The following XRCC4 variants were observed in gnomAD, a reference collection of about 807,000 sequenced individuals.
The protein encoded by XRCC4 is DNA repair protein XRCC4.
A neutral mutation model predicts 39.1 loss-of-function variants in XRCC4; 28 were observed. The ratio of observed to expected loss-of-function variants is 0.72; its 90% confidence interval spans 0.53 to 0.98. The LOEUF (loss-of-function observed/expected upper bound fraction) is 0.98, where lower values mean the gene tolerates loss of function less well. XRCC4 is among the 50% of genes least tolerant of loss of function. The pLI is 0.00. For missense variants in XRCC4, 350 were observed against 376.4 expected, an observed-to-expected ratio of 0.93 and a Z score of 0.58; for synonymous variants, 123 against 126.4, an observed-to-expected ratio of 0.97 and a Z score of 0.18.
the XRCC4 span, among the ~76,000 whole-genome samples, chr5:83,369,363 A>G: frequency 6.6e-6 from 1 of 152,102 alleles, no homozygotes; most frequent in Non-Finnish European, 1.5e-5. Flanking sequence ...TATTGAGCAT[A>G]ATACCCAATA....
intron 7 of XRCC4, among the ~76,000 whole-genome samples, chr5:83,349,325 C>A (rs1757012488): frequency 6.6e-6 from 1 of 151,988 alleles, no homozygotes; most frequent in Non-Finnish European, 1.5e-5. Flanking sequence ...CAAACCATAT[C>A]AACATTTTTG....
At chr5:83,178,601 T>C (rs1344573907) in intron 3 of XRCC4, among the ~76,000 whole-genome samples, 5 of 151,998 alleles carry the variant, frequency 3.3e-5, no homozygotes, top group African/African-American at 1.2e-4. Context: ...ACTGATGGCA[T>C]TGGTAGAGAG....
intron 7 of XRCC4, among the ~76,000 whole-genome samples, chr5:83,297,552 T>C (rs1312748485): frequency 6.6e-6 from 1 of 152,016 alleles, no homozygotes; most frequent in Non-Finnish European, 1.5e-5. Context: ...TTAATATCAG[T>C]TAACAGAAAT....
chr5:83,352,785 G>A (rs901519382), intron 7 of XRCC4, among the ~76,000 whole-genome samples: 1 of 152,192 alleles, frequency 6.6e-6, no homozygotes, highest in Non-Finnish European at 1.5e-5. Flanking sequence ...AATGTAAATT[G>A]TGATGAAATC....
chr5:83,223,969 A>G (rs1012434567), intron 6 of XRCC4, among the ~76,000 whole-genome samples: 4 of 151,526 alleles, frequency 2.6e-5, no homozygotes, highest in Non-Finnish European at 5.9e-5. Context: ...TTATGGCTGC[A>G]TAGTATTCTA....
chr5:83,166,957 C>G (rs1361353120), intron 3 of XRCC4, among the ~76,000 whole-genome samples: 2 of 151,980 alleles, frequency 1.3e-5, no homozygotes, highest in African/African-American at 4.8e-5. Context: ...TCTTGGCTCA[C>G]TGCAGCATCT....
intron 3 of XRCC4, among the ~76,000 whole-genome samples, chr5:83,134,314 C>CT (rs775391049): frequency 6.6e-6 from 1 of 151,956 alleles, no homozygotes; most frequent in Non-Finnish European, 1.5e-5. Context: ...TTGTGTCTAG[C>CT]TAAAGGATTG....
At chr5:83,267,845 T>C (rs1482799191) in intron 7 of XRCC4, among the ~76,000 whole-genome samples, 1 of 152,140 alleles carries the variant, frequency 6.6e-6, no homozygotes, top group African/African-American at 2.4e-5. Flanking sequence ...AACAAACGCA[T>C]GGAGAAAGTC....
chr5:83,286,540 G>A (rs1754739328), intron 7 of XRCC4, among the ~76,000 whole-genome samples: 1 of 152,064 alleles, frequency 6.6e-6, no homozygotes, highest in Non-Finnish European at 1.5e-5. Context: ...GCAGTCTTGA[G>A]GCAGAATTTC....
At chr5:83,253,802 C>G (rs1303031939) in intron 6 of XRCC4, among the ~76,000 whole-genome samples, 1 of 152,186 alleles carries the variant, frequency 6.6e-6, no homozygotes, top group Non-Finnish European at 1.5e-5. Flanking sequence ...TTCCTGGCAG[C>G]TTAGCCAACA....
chr5:83,161,840 A>T (rs944946624), intron 3 of XRCC4, among the ~76,000 whole-genome samples: 2 of 152,200 alleles, frequency 1.3e-5, no homozygotes, highest in Non-Finnish European at 2.9e-5. Context: ...TGATAGCAGC[A>T]AGTTTTTGGA....
intron 3 of XRCC4, among the ~76,000 whole-genome samples, chr5:83,178,624 G>T (rs1750069293): frequency 6.6e-6 from 1 of 152,116 alleles, no homozygotes; most frequent in Admixed American, 6.5e-5. Flanking sequence ...TTTCAGTGGA[G>T]AATATAGAAA....
At chr5:83,344,965 C>A (rs1046004368) in intron 7 of XRCC4, among the ~76,000 whole-genome samples, 1 of 152,158 alleles carries the variant, frequency 6.6e-6, no homozygotes, top group African/African-American at 2.4e-5. Context: ...ATATTTCACA[C>A]TGGCTTTAAT....
chr5:83,156,517 T>C (rs1358309044), intron 3 of XRCC4, among the ~76,000 whole-genome samples: 1 of 152,160 alleles, frequency 6.6e-6, no homozygotes, highest in African/African-American at 2.4e-5. Context: ...CATTCATTTT[T>C]TAATATCAGA....
chr5:83,254,081 G>GTTTTTTTTT (rs80017147), intron 6 of XRCC4, among the ~76,000 whole-genome samples: 2 of 117,816 alleles, frequency 1.7e-5, no homozygotes, highest in East Asian at 2.4e-4. Flanking sequence ...ATCGTTTTTT[G>GTTTTTTTTT]TTTTTTTTTT....
intron 6 of XRCC4, among the ~76,000 whole-genome samples, chr5:83,225,589 C>T (rs868401764): frequency 7.4e-6 from 1 of 134,934 alleles, no homozygotes; most frequent in Non-Finnish European, 1.5e-5. Flanking sequence ...CTTGGTGCAT[C>T]GCCAAATTTA....
chr5:83,103,831 A>G (rs977854750), intron 1 of XRCC4, among the ~76,000 whole-genome samples: 13 of 152,298 alleles, frequency 8.5e-5, no homozygotes, highest in African/African-American at 3.1e-4. Flanking sequence ...ATATTTACAT[A>G]AAGTAGAGAA....
chr5:83,280,093 G>T, intron 7 of XRCC4: 2 of 204,584 alleles, frequency 9.8e-6, no homozygotes, highest in East Asian at 1.5e-4. Context: ...AAAAATCAGA[G>T]GTACACATTT....
At chr5:83,191,484 C>T (rs113986360) in intron 3 of XRCC4, among the ~76,000 whole-genome samples, 3 of 152,292 alleles carry the variant, frequency 2.0e-5, no homozygotes, top group African/African-American at 7.2e-5. Flanking sequence ...GTGGGCAGAT[C>T]ACGAGGTCAG....
Sources: gnomAD v4.1 joint callset for allele counts (sites outside exome capture counted in the v4.1 genomes callset) on GRCh38, gnomAD v4.1.1 for gene constraint, MANE v1.5 for transcripts, NCBI Gene and HGNC (gene_info 2026-07-23, HGNC 2026-07-21) for gene names.